The following ZNF536 variants were observed in gnomAD, a reference collection of about 807,000 sequenced individuals.
ZNF536 encodes zinc finger protein 536.
A neutral mutation model predicts 84.5 loss-of-function variants in ZNF536; 13 were observed. The ratio of observed to expected loss-of-function variants is 0.15; its 90% CI spans 0.10 to 0.24. The LOEUF (loss-of-function observed/expected upper bound fraction) is 0.24, where lower values mean the gene tolerates loss of function less well. Ranked by LOEUF, ZNF536 falls within the 10% of genes least tolerant of loss-of-function variation. ZNF536 has a pLI of 1.00. For missense variants in ZNF536, 1,536 were observed against 1,747.5 expected, an observed-to-expected ratio of 0.88 and a Z score of 2.16; for synonymous variants, 811 against 742.5, an observed-to-expected ratio of 1.09 and a Z score of -1.50.
intron 1 of ZNF536, among the ~76,000 whole-genome samples, chr19:30,648,883 T>C (rs2049579299): frequency 6.6e-6 from 1 of 152,240 alleles, no homozygotes; most frequent in Non-Finnish European, 1.5e-5. Flanking sequence ...CAGACCTAGT[T>C]CGAAATATCA....
rs372587955 is a variant in ZNF536, at chr19:30,466,584, A to AAGAGAGAGAGAGAGAGAGAG, written c.2170+20871_2170+20872insGAGAGAGAGAGAGAGAGAGA. On this transcript the variant is annotated intron_variant, in intron 2 of 4. Transcript: ENST00000355537. ...TTAGAAAGAAAGAAAGAAAGAAAGA[A>AAGAGAGAGAGAGAGAGAGAG]AGAGAGAGAGAGAGAGAGAAAGAAA... 1.0e-4 allele frequency among the ~76,000 whole-genome samples: 15 copies of AAGAGAGAGAGAGAGAGAGAG among 144,462 alleles called. No individual in the cohort carries two copies. The East Asian group carries it at 1.3e-3, about 12-fold the overall frequency. 94.8% of individuals were successfully genotyped at this position (144,462 alleles called of 152,430 possible). A position where few individuals can be genotyped will look rare whatever the true frequency, so the allele number is the denominator to read the frequency against.
At chr19:30,603,375 A>G (rs1269731933) in intron 1 of ZNF536, among the ~76,000 whole-genome samples, 1 of 152,196 alleles carries the variant, frequency 6.6e-6, no homozygotes, top group Non-Finnish European at 1.5e-5. Flanking sequence ...TACCTGGCTT[A>G]TATTTTCCAA....
At chr19:30,277,838 T>C (rs2145577451) in intron 1 of ZNF536, among the ~76,000 whole-genome samples, 1 of 152,314 alleles carries the variant, frequency 6.6e-6, no homozygotes, top group East Asian at 1.9e-4. Context: ...GAATAACAGC[T>C]CAGGCACCTG....
chr19:30,318,604 T>C (rs1298025159), intron 2 of ZNF536, among the ~76,000 whole-genome samples: 1 of 152,260 alleles, frequency 6.6e-6, no homozygotes. Context: ...GGCTACAGCA[T>C]GGGGCATTGG....
At chr19:30,262,851 G>A (rs1485600643) in intron 1 of ZNF536, among the ~76,000 whole-genome samples, 1 of 152,208 alleles carries the variant, frequency 6.6e-6, no homozygotes, top group African/African-American at 2.4e-5. Flanking sequence ...GGGACTTTCT[G>A]AGGACGCCTC....
At chr19:30,597,447 G>A (rs1490627358) in intron 1 of ZNF536, among the ~76,000 whole-genome samples, 1 of 152,222 alleles carries the variant, frequency 6.6e-6, no homozygotes, top group Admixed American at 6.5e-5. Context: ...GCTTCTATGG[G>A]CTGATGGGAG....
At chr19:30,260,643 G>GA (rs1341057832) in intron 1 of ZNF536, among the ~76,000 whole-genome samples, 1 of 152,240 alleles carries the variant, frequency 6.6e-6, no homozygotes, top group Non-Finnish European at 1.5e-5. Flanking sequence ...TGCTGCCACT[G>GA]AGAGTCCTTC....
chr19:30,650,412 T>G (rs2049656078), intron 1 of ZNF536, among the ~76,000 whole-genome samples: 1 of 152,200 alleles, frequency 6.6e-6, no homozygotes, highest in African/African-American at 2.4e-5. Flanking sequence ...GCCCCAAAGA[T>G]TTCTCTCCTT....
chr19:30,694,660 T>C (rs2051576101), intron 1 of ZNF536, among the ~76,000 whole-genome samples: 1 of 150,502 alleles, frequency 6.6e-6, no homozygotes, highest in African/African-American at 2.4e-5. Flanking sequence ...AAATGTAACA[T>C]TGGCAATGAA....
At chr19:30,438,661 A>T (rs1821641473) in intron 1 of ZNF536, among the ~76,000 whole-genome samples, 2 of 152,212 alleles carry the variant, frequency 1.3e-5, no homozygotes, top group South Asian at 2.1e-4. Flanking sequence ...TTGAAATTTT[A>T]AAAAATTATC....
chr19:30,709,960 C>T (rs115046845), intron 1 of ZNF536, among the ~76,000 whole-genome samples: 4 of 152,050 alleles, frequency 2.6e-5, no homozygotes, highest in African/African-American at 7.3e-5. Context: ...ATGGTTTTTC[C>T]ATTTTTTTAA....
At chr19:30,402,983 G>A (rs1162244597) in intron 1 of ZNF536, among the ~76,000 whole-genome samples, 1 of 151,778 alleles carries the variant, frequency 6.6e-6, no homozygotes, top group East Asian at 1.9e-4. Context: ...TGGAGTCAAG[G>A]AATAAATGTT....
chr19:30,534,756 A>T, intron 2 of ZNF536, 91 bp from the exon 3 acceptor site: 1 of 1,350,222 alleles, frequency 7.4e-7, no homozygotes. Flanking sequence ...TAGTATTGAC[A>T]TGTTTAACTT....
chr19:30,290,735 A>AT (rs1189129187), intron 2 of ZNF536, among the ~76,000 whole-genome samples: 1 of 152,178 alleles, frequency 6.6e-6, no homozygotes, highest in Non-Finnish European at 1.5e-5. Flanking sequence ...GGTTTGTTAC[A>AT]TAGGTACACA....
chr19:30,253,653 G>T (rs981797378), intron 1 of ZNF536, among the ~76,000 whole-genome samples: 3 of 152,250 alleles, frequency 2.0e-5, no homozygotes, highest in African/African-American at 7.2e-5. Flanking sequence ...CCCATGGGCT[G>T]TATCTGTGTG....
intron 1 of ZNF536, among the ~76,000 whole-genome samples, chr19:30,252,431 G>C (rs2024667174): frequency 6.6e-6 from 1 of 152,158 alleles, no homozygotes; most frequent in Admixed American, 6.5e-5. Context: ...AGCCTCTGGA[G>C]GTTGGAAGGC....
intron 1 of ZNF536, among the ~76,000 whole-genome samples, chr19:30,274,409 T>C (rs2026015075): frequency 6.6e-6 from 1 of 152,212 alleles, no homozygotes. Flanking sequence ...ATCCATAATA[T>C]TATCATTTCA....
intron 1 of ZNF536, among the ~76,000 whole-genome samples, chr19:30,655,112 T>C (rs2049859081): frequency 6.6e-6 from 1 of 152,182 alleles, no homozygotes; most frequent in South Asian, 2.1e-4. Flanking sequence ...CACAGGACAC[T>C]CAGATTGACA....
intron 1 of ZNF536, among the ~76,000 whole-genome samples, chr19:30,657,520 AC>A (rs1052495514): frequency 6.6e-6 from 1 of 151,598 alleles, no homozygotes; most frequent in Non-Finnish European, 1.5e-5. Context: ...TTTCCTACTG[AC>A]CCTCTCTCCC....
Sources: gnomAD v4.1 joint callset for allele counts (sites outside exome capture counted in the v4.1 genomes callset) on GRCh38, gnomAD v4.1.1 for gene constraint, MANE v1.5 for transcripts, NCBI Gene and HGNC (gene_info 2026-07-23, HGNC 2026-07-21) for gene names.